SLC4A4: variants seen among roughly 807,000 people sequenced by gnomAD.
SLC4A4 encodes electrogenic sodium bicarbonate cotransporter 1.
In SLC4A4, 27 loss-of-function variants were observed where a neutral mutation model predicts 111.5. The ratio of observed to expected loss-of-function variants is 0.24; its 90% CI spans 0.18 to 0.33. The LOEUF (loss-of-function observed/expected upper bound fraction) is 0.33, where lower values mean the gene tolerates loss of function less well. Among genes scored for constraint, SLC4A4 ranks in the 10% least tolerant of loss-of-function variants. SLC4A4 has a pLI of 1.00. For synonymous variants in SLC4A4, 443 were observed against 463.4 expected (o/e 0.96, Z 0.57); for missense variants, 909 against 1,315.5 (o/e 0.69, Z 4.78).
At chr4:71,129,567 A>G (rs1428376929) in intron 2 of SLC4A4, among the ~76,000 whole-genome samples, 1 of 152,168 alleles carries the variant, frequency 6.6e-6, no homozygotes, top group South Asian at 2.1e-4. Flanking sequence ...CAATTTCTTA[A>G]AGAACTCAAA....
chr4:71,363,764 C>T (rs1253853780), intron 6 of SLC4A4, among the ~76,000 whole-genome samples: 1 of 152,168 alleles, frequency 6.6e-6, no homozygotes, highest in Non-Finnish European at 1.5e-5. Flanking sequence ...ATTTTCCGTT[C>T]ATTTTCATAG....
chr4:71,135,296 C>CTTTT (rs376221639), intron 2 of SLC4A4, among the ~76,000 whole-genome samples: 3 of 130,622 alleles, frequency 2.3e-5, no homozygotes, highest in Admixed American at 8.0e-5. Context: ...ACAATCTACT[C>CTTTT]TTTTTTTTTT....
chr4:71,093,422 C>T (rs952222436), intron 2 of SLC4A4, among the ~76,000 whole-genome samples: 1 of 152,156 alleles, frequency 6.6e-6, no homozygotes, highest in African/African-American at 2.4e-5. Flanking sequence ...CCTGTCTCGG[C>T]TTCTCAAAGT....
chr4:71,111,492 G>C (rs1354058880), intron 2 of SLC4A4, among the ~76,000 whole-genome samples: 1 of 144,886 alleles, frequency 6.9e-6, no homozygotes. Context: ...CTCCTGAGTA[G>C]CTGGATTACA....
chr4:71,098,912 C>T (rs193054229), intron 2 of SLC4A4, among the ~76,000 whole-genome samples: 2 of 152,186 alleles, frequency 1.3e-5, no homozygotes, highest in Non-Finnish European at 2.9e-5. Flanking sequence ...AACCTTACTA[C>T]CCTAAACACA....
chr4:71,555,727 C>G (rs1736410616), intron 21 of SLC4A4, among the ~76,000 whole-genome samples: 2 of 151,896 alleles, frequency 1.3e-5, no homozygotes. Flanking sequence ...TTTGGGAAAA[C>G]TGACACACTT....
chr4:71,084,745 T>C (rs1742106808), intron 1 of SLC4A4, among the ~76,000 whole-genome samples: 1 of 152,082 alleles, frequency 6.6e-6, no homozygotes, highest in Admixed American at 6.5e-5. Context: ...CACCTTTTTT[T>C]ATGGCTGCGT....
intron 3 of SLC4A4, among the ~76,000 whole-genome samples, chr4:71,268,621 C>T (rs1722477536): frequency 6.6e-6 from 1 of 152,106 alleles, no homozygotes; most frequent in Non-Finnish European, 1.5e-5. Flanking sequence ...GTTCATTGTA[C>T]TTTTGAAGTC....
At chr4:71,295,329 C>T (rs1293228043) in intron 3 of SLC4A4, among the ~76,000 whole-genome samples, 1 of 152,088 alleles carries the variant, frequency 6.6e-6, no homozygotes, top group East Asian at 1.9e-4. Flanking sequence ...ACAGATTAGA[C>T]CCTGGAGCTG....
chr4:71,232,067 G>A (rs188906422), intron 1 of SLC4A4, among the ~76,000 whole-genome samples: 2 of 152,278 alleles, frequency 1.3e-5, no homozygotes, highest in East Asian at 3.9e-4. Context: ...GGCTGCTCTG[G>A]AGAAAGGCTG....
intron 2 of SLC4A4, among the ~76,000 whole-genome samples, chr4:71,102,263 G>T (rs1742769138): frequency 6.7e-6 from 1 of 149,020 alleles, no homozygotes; most frequent in Non-Finnish European, 1.5e-5. Context: ...AAGAAATATG[G>T]GACTATGTGA....
intron 1 of SLC4A4, among the ~76,000 whole-genome samples, chr4:71,193,228 C>G (rs1437566935): frequency 2.0e-5 from 3 of 152,156 alleles, no homozygotes; most frequent in Non-Finnish European, 4.4e-5. Flanking sequence ...GGCCGGATCT[C>G]GGCTCACTGC....
intron 1 of SLC4A4, among the ~76,000 whole-genome samples, chr4:71,195,384 C>T (rs943265988): frequency 1.3e-5 from 2 of 151,812 alleles, no homozygotes. Context: ...TTTATAAGGA[C>T]GTTTACATAT....
rs562040357 is a variant in SLC4A4 at position 71,087,400 on chromosome 4, C to T, written c.-64-5330C>T. ...TTTGAAGGGTTTTTTGTGTCTCTATCTCCTTCAGTTCTGCTCTGATCTTAG... is the reference window on the plus strand; with the variant it reads ...TTTGAAGGGTTTTTTGTGTCTCTATTTCCTTCAGTTCTGCTCTGATCTTAG... On this transcript the variant is annotated intron_variant, in intron 1 of 26. Transcript: ENST00000649996. Among the ~76,000 whole-genome samples the T allele has an allele frequency of 3.7e-3, 561 of 152,026 alleles. 8 individuals are homozygous for T. The highest frequency in any genetic ancestry group is 0.013 in the African/African-American group (538 of 41,394).
rs545868663 is a variant in SLC4A4, at chr4:71,503,513, G to A, written c.2166+5821G>A. Among the ~76,000 whole-genome samples, 141 of 151,894 alleles carry A rather than the reference G, an allele frequency of 9.3e-4. 1 individual carries two copies. The highest frequency in any genetic ancestry group is 3.2e-3 in the African/African-American group (133 of 41,454). On this transcript the variant is annotated intron_variant, in intron 16 of 25. Transcript: ENST00000264485. ...CCATGGGGCTAACATAATGAGTCTT[G>A]TAATTATAATACTCTATTTTAAGCT...
intron 17 of SLC4A4, 51 bp from the exon 18 acceptor site, chr4:71,534,176 G>T (rs1461696821): frequency 1.3e-6 from 2 of 1,554,506 alleles, no homozygotes; most frequent in East Asian, 2.3e-5. Context: ...TCACCAAATA[G>T]TATATATTAA....
At chr4:71,225,696 G>A (rs1489811447) in intron 1 of SLC4A4, among the ~76,000 whole-genome samples, 2 of 152,108 alleles carry the variant, frequency 1.3e-5, no homozygotes, top group Non-Finnish European at 2.9e-5. Context: ...AGAGGTGGGT[G>A]GGTCAGGGGG....
At chr4:71,459,816 C>T (rs1362407059) in intron 12 of SLC4A4, among the ~76,000 whole-genome samples, 2 of 152,004 alleles carry the variant, frequency 1.3e-5, no homozygotes, top group African/African-American at 4.8e-5. Flanking sequence ...TTGCTTATAC[C>T]CTTGTAAAAA....
intron 18 of SLC4A4, among the ~76,000 whole-genome samples, chr4:71,544,698 A>G (rs1407373577): frequency 6.6e-6 from 1 of 152,104 alleles, no homozygotes; most frequent in Admixed American, 6.6e-5. Context: ...TAAGCAAACC[A>G]TGACTCTCCT....
Sources: allele counts gnomAD v4.1 joint callset (sites outside exome capture counted in the v4.1 genomes callset), GRCh38; gene constraint gnomAD v4.1.1; transcripts MANE v1.5; gene names NCBI Gene and HGNC (gene_info 2026-07-23, HGNC 2026-07-21).